SENP8: variants seen among roughly 807,000 people sequenced by gnomAD.
SENP8 encodes sentrin-specific protease 8.
SENP8 carries 10 observed loss-of-function variants against 14.4 expected under a neutral mutation model. The ratio of observed to expected loss-of-function variants is 0.69; its 90% CI spans 0.43 to 1.18. The LOEUF is 1.18. Ranked by LOEUF, SENP8 falls within the 50% of genes most tolerant of loss-of-function variation. The pLI is 0.00. For missense variants in SENP8, 202 were observed against 249.4 expected (o/e 0.81, Z 1.28); for synonymous variants, 94 against 95.5 (o/e 0.98, Z 0.09).
At position 72,140,553 on chromosome 15, in the gene SENP8, G is replaced by T; in HGVS notation, c.*291G>T. The T allele has an allele frequency of 6.0e-6, 2 of 331,090 alleles. No homozygotes were observed. The highest frequency in any genetic ancestry group is 1.2e-5 in the Non-Finnish European group (2 of 171,848). 20.5% of individuals were successfully genotyped at this position (331,090 alleles called of 1,614,324 possible). On this transcript the variant is annotated 3_prime_UTR_variant, in exon 2 of 2. Transcript: ENST00000340912. Reference sequence around the variant, plus strand: ...GGGTTTACGTAAGACTTTTCTTATTGGTATATAATTAATTTCCTTTGGTCT... The same window carrying T: ...GGGTTTACGTAAGACTTTTCTTATTTGTATATAATTAATTTCCTTTGGTCT...
chr15:72,137,570 G>A (rs1474091635), intron 1 of SENP8, among the ~76,000 whole-genome samples: 1 of 152,146 alleles, frequency 6.6e-6, no homozygotes, highest in East Asian at 1.9e-4. Flanking sequence ...ATTTGTATTA[G>A]TCTCATGATT....
chr15:72,139,440 G>C, intron 1 of SENP8, 137 bp from the exon 2 acceptor site: 1 of 736,028 alleles, frequency 1.4e-6, no homozygotes, highest in Non-Finnish European at 2.1e-6. Context: ...CCATGTGTAA[G>C]TAGATCTGCA....
At chr15:72,126,198 A>T (rs1383311565) in intron 1 of SENP8, among the ~76,000 whole-genome samples, 1 of 152,126 alleles carries the variant, frequency 6.6e-6, no homozygotes, top group Non-Finnish European at 1.5e-5. Context: ...GTATACTAGC[A>T]CTAGCCACAT....
At chr15:72,118,235 C>G (rs1428262481), upstream of SENP8, 1 of 339,232 alleles carries the variant, frequency 2.9e-6, no homozygotes, top group Non-Finnish European at 5.3e-6. Context: ...GAGAGTACAG[C>G]GTGCGCTTGC....
intron 1 of SENP8, among the ~76,000 whole-genome samples, chr15:72,128,120 G>A (rs1449727007): frequency 6.6e-6 from 1 of 151,338 alleles, no homozygotes; most frequent in East Asian, 1.9e-4. Flanking sequence ...GGGGAGAGGG[G>A]AGAGAGGGAG....
At chr15:72,117,643 G>T (rs1298122970), upstream of SENP8, 3 of 395,264 alleles carry the variant, frequency 7.6e-6, no homozygotes, top group East Asian at 3.6e-5. Flanking sequence ...GGGCCAGGAC[G>T]GGCTGCAGGG....
At chr15:72,138,823 G>A (rs2081351969) in intron 1 of SENP8, among the ~76,000 whole-genome samples, 2 of 151,384 alleles carry the variant, frequency 1.3e-5, no homozygotes, top group South Asian at 2.1e-4. Flanking sequence ...AAATTAGCCG[G>A]GCATGGTGGC....
intron 1 of SENP8, among the ~76,000 whole-genome samples, chr15:72,120,158 C>T (rs2081151106): frequency 6.6e-6 from 1 of 152,194 alleles, no homozygotes; most frequent in African/African-American, 2.4e-5. Context: ...GAATCTTTTT[C>T]TATTATTTAT....
intron 1 of SENP8, among the ~76,000 whole-genome samples, chr15:72,119,187 A>G (rs1338177736): frequency 6.6e-6 from 1 of 152,192 alleles, no homozygotes; most frequent in African/African-American, 2.4e-5. Context: ...CATGAAACCG[A>G]GAAGTGGCCT....
At chr15:72,116,501 T>A (rs1352285090), upstream of SENP8, among the ~76,000 whole-genome samples, 1 of 152,218 alleles carries the variant, frequency 6.6e-6, no homozygotes, top group Non-Finnish European at 1.5e-5. Context: ...ATTTCTGTAC[T>A]TGCTTCTTGG....
intron 1 of SENP8, among the ~76,000 whole-genome samples, chr15:72,120,650 CTA>C (rs963679432): frequency 1.3e-5 from 2 of 152,082 alleles, no homozygotes; most frequent in African/African-American, 4.8e-5. Context: ...ATAAAGGAAA[CTA>C]ATTTTGTTAA....
In SENP8 at chr15:72,121,523, G is replaced by A. The variant is rs1167641879; in HGVS notation, c.-48+3059G>A. 2.0e-5 allele frequency among the ~76,000 whole-genome samples: 3 copies of A among 151,184 alleles called. 1 individual carries two copies. Among genetic ancestry groups the A allele is most frequent in the East Asian group, 3.9e-4 (2 of 5,128 alleles). ...GCAGGAGGATCACTTGAGCCCAGGA[G>A]TTCAAGACCAGCCTGGGCAACAAAG... On this transcript the variant is annotated intron_variant, in intron 1 of 1. Coordinates refer to ENST00000340912, the MANE Select transcript of SENP8 (RefSeq NM_145204.4).
upstream of SENP8, chr15:72,117,867 T>A (rs2081058606): frequency 2.5e-6 from 1 of 398,118 alleles, no homozygotes. Context: ...TCCCCCGCCC[T>A]GTCAGAGAGA....
intron 1 of SENP8, among the ~76,000 whole-genome samples, chr15:72,127,041 A>G (rs1164707209): frequency 6.6e-6 from 1 of 152,136 alleles, no homozygotes; most frequent in Non-Finnish European, 1.5e-5. Flanking sequence ...GCCGAACTTG[A>G]TTTATATTAT....
At chr15:72,122,937 T>C (rs2081181642) in intron 1 of SENP8, among the ~76,000 whole-genome samples, 1 of 152,226 alleles carries the variant, frequency 6.6e-6, no homozygotes, top group Non-Finnish European at 1.5e-5. Context: ...ATTTTGAGCA[T>C]CTGTATTATT....
intron 1 of SENP8, among the ~76,000 whole-genome samples, chr15:72,127,136 G>A (rs1284645244): frequency 6.6e-6 from 1 of 152,118 alleles, no homozygotes; most frequent in Non-Finnish European, 1.5e-5. Flanking sequence ...TTTAGGTCCT[G>A]GGGTTAAAAT....
chr15:72,126,603 C>T (rs1451789576), intron 1 of SENP8, among the ~76,000 whole-genome samples: 1 of 142,544 alleles, frequency 7.0e-6, no homozygotes, highest in Non-Finnish European at 1.5e-5. Context: ...CCAGCCGGGG[C>T]GACGGAGTGA....
chr15:72,132,942 G>A (rs34294127), intron 1 of SENP8, among the ~76,000 whole-genome samples: 2,152 of 152,238 alleles, frequency 0.014, 24 homozygotes, highest in East Asian at 0.025. Flanking sequence ...AGGGCAAGGC[G>A]GGCGGAACAC....
chr15:72,122,178 C>A (rs961098804), intron 1 of SENP8, among the ~76,000 whole-genome samples: 2 of 151,518 alleles, frequency 1.3e-5, no homozygotes, highest in African/African-American at 4.9e-5. Flanking sequence ...AAGGCCCAGG[C>A]AACCCATCTC....
Sources: gnomAD v4.1 joint callset for allele counts (sites outside exome capture counted in the v4.1 genomes callset) on GRCh38, gnomAD v4.1.1 for gene constraint, MANE v1.5 for transcripts, NCBI Gene and HGNC (gene_info 2026-07-23, HGNC 2026-07-21) for gene names.